The following FHL2 variants were observed in gnomAD, a reference collection of about 807,000 sequenced individuals.
The protein encoded by FHL2 is four and a half LIM domains protein 2.
Under a neutral mutation model 32.7 loss-of-function variants are expected in FHL2, and 20 were observed. The observed-to-expected ratio is 0.61, with a 90% CI of 0.43 to 0.89. The LOEUF is 0.89. FHL2 is among the 40% of genes least tolerant of loss of function. FHL2 has a pLI of 0.00. For synonymous variants in FHL2, 123 were observed against 128.1 expected, an observed-to-expected ratio of 0.96 and a Z score of 0.27; for missense variants, 311 against 358.6, an observed-to-expected ratio of 0.87 and a Z score of 1.07.
At chr2:105,362,014 G>A (rs1224787025) in intron 6 of FHL2, among the ~76,000 whole-genome samples, 1 of 151,988 alleles carries the variant, frequency 6.6e-6, no homozygotes, top group Non-Finnish European at 1.5e-5. Context: ...TAATACAGTT[G>A]GTTTTTACCT....
At chr2:105,420,430 G>T (rs1466346891) in intron 1 of FHL2, among the ~76,000 whole-genome samples, 1 of 152,060 alleles carries the variant, frequency 6.6e-6, no homozygotes, top group East Asian at 1.9e-4. Flanking sequence ...TAATTACTCG[G>T]TAACAACCCC....
At chr2:105,389,371 G>C (rs1682554643) in intron 2 of FHL2, among the ~76,000 whole-genome samples, 1 of 152,180 alleles carries the variant, frequency 6.6e-6, no homozygotes, top group African/African-American at 2.4e-5. Flanking sequence ...GAAAGTTGCT[G>C]TCATTTATTT....
intron 1 of FHL2, among the ~76,000 whole-genome samples, chr2:105,413,276 C>T (rs1380999142): frequency 6.6e-6 from 1 of 152,066 alleles, no homozygotes; most frequent in Non-Finnish European, 1.5e-5. Flanking sequence ...ACTCTCCTGA[C>T]AAAAAGGGAC....
At chr2:105,361,495 A>C (rs772078127) in intron 6 of FHL2, 61 bp from the exon 7 acceptor site, 105 of 1,483,300 alleles carry the variant, frequency 7.1e-5, no homozygotes, top group Non-Finnish European at 9.6e-5. Context: ...ACTGGGACTG[A>C]AGAAGGAATT....
At chr2:105,371,546 ATCTCTCTCTC>A (rs10701119) in intron 4 of FHL2, among the ~76,000 whole-genome samples, 135 of 141,088 alleles carry the variant, frequency 9.6e-4, no homozygotes, top group Middle Eastern at 3.6e-3. Context: ...ATCCCTTGAA[ATCTCTCTCTC>A]TCTCTCTCTC....
chr2:105,390,965 T>TTG (rs1258145369), intron 2 of FHL2, among the ~76,000 whole-genome samples: 9 of 151,144 alleles, frequency 6.0e-5, no homozygotes, highest in Non-Finnish European at 8.9e-5. Flanking sequence ...CTCAGCTAAT[T>TTG]TGTGTGTGTG....
chr2:105,361,229 A>G lies in FHL2; in HGVS notation c.*54T>C. 6.4e-7 allele frequency: 1 copy of G among 1,565,250 alleles called. No homozygotes were observed. The highest frequency in any genetic ancestry group is 8.7e-7 in the Non-Finnish European group (1 of 1,150,110). ...AGGCAAGATTGCCTGGGTGAGAAAG[A>G]AAACATAAAAATCTGTGTGTGAGAT... is the stretch of plus-strand genomic sequence containing the variant. On this transcript the variant is annotated 3_prime_UTR_variant, in exon 7 of 7. Transcript: ENST00000530340.
At chr2:105,403,378 G>A (rs1483801171), upstream of FHL2, among the ~76,000 whole-genome samples, 1 of 152,226 alleles carries the variant, frequency 6.6e-6, no homozygotes, top group Non-Finnish European at 1.5e-5. Flanking sequence ...CGGTGACTGT[G>A]ATCAGTTATT....
chr2:105,403,342 G>C (rs531910198), upstream of FHL2, among the ~76,000 whole-genome samples: 2 of 152,270 alleles, frequency 1.3e-5, no homozygotes, highest in South Asian at 4.1e-4. Flanking sequence ...AAAACAAAAA[G>C]TACTATTTCC....
rs752531815 is a variant in FHL2 at position 105,367,733 on chromosome 2, C to A, written c.338G>T (p.Arg113Leu). 107 of 1,613,110 alleles carry A rather than the reference C, an allele frequency of 6.6e-5. No individual in the cohort carries two copies. The highest frequency in any genetic ancestry group is 8.6e-5 in the Non-Finnish European group (101 of 1,179,572). The change falls in exon 5 of 7, where the codon CGC (arginine) becomes CTC (leucine). Residue 113 changes from arginine to leucine, a missense_variant. By Grantham distance (102) the Arg-to-Leu change is moderately radical (BLOSUM62 -2). Transcript: ENST00000530340. ...ECKKTIMPGT[R>L]KMEYKGSSWH... is the part of the protein sequence containing the mutation. The stretch of plus-strand genomic sequence containing the variant: ...GCTGCTGCCCTTGTACTCCATCTTG[C>A]GGGTACCTGTCATCAGGGTCAAGAG...
intron 3 of FHL2, chr2:105,386,011 T>A (rs1682281403): frequency 5.0e-6 from 2 of 401,486 alleles, no homozygotes; most frequent in Non-Finnish European, 8.8e-6. Flanking sequence ...TCCACGTTAC[T>A]CACCACGGGG....
At chr2:105,411,053 T>C (rs908674082) in intron 1 of FHL2, among the ~76,000 whole-genome samples, 4 of 152,140 alleles carry the variant, frequency 2.6e-5, no homozygotes, top group Admixed American at 6.5e-5. Flanking sequence ...TTTGTGAAAT[T>C]TGAAGGGGAG....
chr2:105,398,818 C>T, intron 1 of FHL2, 24 bp downstream of exon 1: 1 of 1,405,436 alleles, frequency 7.1e-7, no homozygotes, highest in Non-Finnish European at 9.3e-7. Context: ...TCTTCCCGGA[C>T]CCACAGCTCT....
chr2:105,371,546 A>ATCTCTCTCTCTCTCTCTC (rs10701119), intron 4 of FHL2, among the ~76,000 whole-genome samples: 21 of 141,086 alleles, frequency 1.5e-4, no homozygotes, highest in South Asian at 1.5e-3. Context: ...ATCCCTTGAA[A>ATCTCTCTCTCTCTCTCTC]TCTCTCTCTC....
chr2:105,380,701 C>T (rs939754925), intron 3 of FHL2, among the ~76,000 whole-genome samples: 2 of 152,116 alleles, frequency 1.3e-5, no homozygotes, highest in Non-Finnish European at 2.9e-5. Context: ...GAAATATGGA[C>T]ACCTTGACAG....
At chr2:105,419,986 G>C (rs1459003184) in intron 1 of FHL2, among the ~76,000 whole-genome samples, 1 of 152,144 alleles carries the variant, frequency 6.6e-6, no homozygotes, top group East Asian at 1.9e-4. Context: ...GGATGCATTG[G>C]CCAAGGTCTC....
intron 2 of FHL2, 74 bp downstream of exon 2, chr2:105,396,573 A>G (rs867136951): frequency 2.9e-6 from 4 of 1,361,238 alleles, no homozygotes; most frequent in East Asian, 2.3e-5. Context: ...AAGTTGACAC[A>G]TGAAAGTAAC....
intron 1 of FHL2, among the ~76,000 whole-genome samples, chr2:105,397,881 GTTTT>G (rs749684273): frequency 1.7e-5 from 2 of 116,302 alleles, no homozygotes; most frequent in Admixed American, 1.0e-4. Context: ...TTGTTTTTTT[GTTTT>G]TTGTTTTTTT....
intron 1 of FHL2, among the ~76,000 whole-genome samples, chr2:105,418,319 G>T (rs1233592238): frequency 1.3e-5 from 2 of 152,050 alleles, no homozygotes; most frequent in African/African-American, 4.8e-5. Flanking sequence ...AGGCAGATAA[G>T]CACCAGGGCA....
Sources: gnomAD v4.1 joint callset for allele counts (sites outside exome capture counted in the v4.1 genomes callset) on GRCh38, gnomAD v4.1.1 for gene constraint, MANE v1.5 for transcripts, NCBI Gene and HGNC (gene_info 2026-07-23, HGNC 2026-07-21) for gene names.